Variants in TBC1D2 observed in about 807,000 individuals in gnomAD.
TBC1D2 encodes the protein TBC1 domain family member 2.
TBC1D2 carries 58 observed loss-of-function variants against 91.1 expected under a neutral mutation model. That is an observed-to-expected ratio of 0.64 (90% CI 0.52 to 0.79). The LOEUF (loss-of-function observed/expected upper bound fraction) is 0.79, where lower values mean the gene tolerates loss of function less well. TBC1D2 is among the 30% of genes least tolerant of loss of function. TBC1D2 has a pLI of 0.00. For synonymous variants in TBC1D2, 482 were observed against 511.5 expected, an observed-to-expected ratio of 0.94 and a Z score of 0.78; for missense variants, 1,080 against 1,208.3, an observed-to-expected ratio of 0.89 and a Z score of 1.57.
chr9:98,201,126 A>C lies in TBC1D2; in HGVS notation c.2457+353T>G, dbSNP rs538319146. Among the ~76,000 whole-genome samples the C allele has an allele frequency of 5.3e-4, 81 of 152,214 alleles. 1 individual carries two copies. Among genetic ancestry groups the C allele is most frequent in the African/African-American group, 1.9e-3 (78 of 41,536 alleles). On this transcript the variant is annotated intron_variant, in intron 11 of 12. Transcript: ENST00000465784. ...CTGCCCAAGGTCTCTGGGCAAGGTC[A>C]GTACAGAGCTGGGTCCAGACCTGAG... is the stretch of plus-strand genomic sequence containing the variant.
intron 3 of TBC1D2, among the ~76,000 whole-genome samples, chr9:98,236,771 A>C (rs374751332): frequency 2.6e-5 from 4 of 152,208 alleles, no homozygotes; most frequent in Admixed American, 6.5e-5. Context: ...GAGTGAGCGG[A>C]GGCACCAGAT....
rs539176949 is a variant in TBC1D2 at position 98,234,778 on chromosome 9, C to T, written c.648-1229G>A. The T allele has an allele frequency of 6.7e-4, 108 of 160,184 alleles. 1 individual carries two copies. Among genetic ancestry groups the T allele is most frequent in the African/African-American group, 1.7e-3 (72 of 41,620 alleles). 9.9% of individuals were successfully genotyped at this position (160,184 alleles called of 1,614,324 possible). ...TTTTGGAAGCAGGAGCTAGAACTGA[C>T]GCTTGTGGGGCTACAGGACTTAGGC... is the stretch of plus-strand genomic sequence containing the variant. On this transcript the variant is annotated intron_variant, in intron 3 of 12. Transcript: ENST00000465784.
intron 6 of TBC1D2, 129 bp from the exon 7 acceptor site, chr9:98,213,347 G>A: frequency 6.7e-7 from 1 of 1,492,490 alleles, no homozygotes; most frequent in East Asian, 2.5e-5. Context: ...AACAGAAGAG[G>A]AAGTCTGAAA....
At chr9:98,230,658 C>T (rs1373834282) in intron 4 of TBC1D2, among the ~76,000 whole-genome samples, 9 of 152,068 alleles carry the variant, frequency 5.9e-5, no homozygotes, top group Non-Finnish European at 1.0e-4. Flanking sequence ...CTCGGCCGGG[C>T]GTGGTGGCTC....
At chr9:98,217,568 A>G (rs1187059130) in intron 6 of TBC1D2, among the ~76,000 whole-genome samples, 2 of 152,248 alleles carry the variant, frequency 1.3e-5, no homozygotes, top group Non-Finnish European at 2.9e-5. Flanking sequence ...AACAAGGGGC[A>G]TTCCCTAAAG....
rs367717165 is a variant in TBC1D2 at position 98,210,976 on chromosome 9, G to A, written c.1486-133C>T. On this transcript the variant is annotated intron_variant, in intron 7 of 12. Transcript: ENST00000465784. ...CCCCACTCCCAACTCCCAGACCTTC[G>A]TATAAGGGAAAGGAGATGGGCCCTG... The A allele has an allele frequency of 1.2e-4, 105 of 844,232 alleles. 1 individual carries two copies. In the Middle Eastern group the frequency reaches 4.0e-3, roughly 32 times the overall value. The allele number at this position is 844,232 out of a possible 1,614,324, so 52.3% of individuals were successfully genotyped here.
intron 3 of TBC1D2, among the ~76,000 whole-genome samples, chr9:98,237,612 T>A (rs901912190): frequency 6.6e-6 from 1 of 151,532 alleles, no homozygotes; most frequent in Non-Finnish European, 1.5e-5. Context: ...ATTCAAGCGA[T>A]TCTCCTGCCT....
chr9:98,207,754 G>C (rs1170329148), intron 9 of TBC1D2, among the ~76,000 whole-genome samples: 1 of 152,244 alleles, frequency 6.6e-6, no homozygotes, highest in African/African-American at 2.4e-5. Flanking sequence ...GCAGAATGAA[G>C]AGAGGCCAGA....
chr9:98,215,329 G>A (rs1044541700), intron 6 of TBC1D2, among the ~76,000 whole-genome samples: 1 of 152,076 alleles, frequency 6.6e-6, no homozygotes, highest in Admixed American at 6.6e-5. Flanking sequence ...GCAGGCTTCC[G>A]GCATCACCCC....
intron 5 of TBC1D2, among the ~76,000 whole-genome samples, chr9:98,224,816 C>T (rs887536992): frequency 6.6e-6 from 1 of 152,018 alleles, no homozygotes; most frequent in African/African-American, 2.4e-5. Context: ...ATTCTGGATC[C>T]GTGGGGGGTG....
chr9:98,249,491 T>C (rs984045461), intron 2 of TBC1D2, among the ~76,000 whole-genome samples: 3 of 152,226 alleles, frequency 2.0e-5, no homozygotes, highest in Non-Finnish European at 4.4e-5. Context: ...AATTCTATTA[T>C]TGCAGAGGTT....
chr9:98,211,411 C>T (rs1050156577), intron 7 of TBC1D2, among the ~76,000 whole-genome samples: 6 of 152,162 alleles, frequency 3.9e-5, no homozygotes, highest in African/African-American at 1.4e-4. Context: ...TCCCACTTCA[C>T]AGCCCTCCTG....
At chr9:98,236,433 G>T (rs531528044) in intron 3 of TBC1D2, among the ~76,000 whole-genome samples, 37 of 152,226 alleles carry the variant, frequency 2.4e-4, no homozygotes, top group African/African-American at 7.5e-4. Context: ...GTTTTGGTCA[G>T]GCTGGTCTCA....
chr9:98,251,366 T>G (rs141993336), intron 2 of TBC1D2, among the ~76,000 whole-genome samples: 1 of 152,242 alleles, frequency 6.6e-6, no homozygotes, highest in East Asian at 1.9e-4. Flanking sequence ...TTAACCCTCC[T>G]CACAGCAATT....
intron 6 of TBC1D2, among the ~76,000 whole-genome samples, chr9:98,216,976 G>A (rs1043486373): frequency 6.6e-6 from 1 of 152,194 alleles, no homozygotes. Flanking sequence ...GCACTGGATT[G>A]TGAGCCACCA....
chr9:98,213,112 G>A lies in TBC1D2; in HGVS notation c.1481C>T (p.Thr494Met), dbSNP rs755513552. Residue 494 changes from threonine (T) to methionine (M), a missense_variant, in exon 7 of 13, where the codon ACG (threonine) becomes ATG (methionine). Thr to Met is a moderately conservative substitution (Grantham distance 81). Coordinates refer to ENST00000465784, the MANE Select transcript of TBC1D2 (RefSeq NM_001267571.2). ...GAATAGGGCCCCACCCCGCACCTTC[G>A]TCAGAAGGGCCTTCTCCTTCTCAGC... Reference protein sequence around the residue: ...KVAEKEKALLTKCAYLQARNC... With the variant: ...KVAEKEKALLMKCAYLQARNC... The A allele has an allele frequency of 1.8e-5, 29 of 1,614,106 alleles. No homozygotes were observed. The highest frequency in any genetic ancestry group is 2.2e-5 in the South Asian group (2 of 91,078).
intron 9 of TBC1D2, 129 bp downstream of exon 9, chr9:98,208,539 C>T (rs1828716431): frequency 1.1e-6 from 1 of 877,314 alleles, no homozygotes; most frequent in Non-Finnish European, 1.7e-6. Flanking sequence ...TGCTCTCTCG[C>T]CCACTGCTCA....
intron 9 of TBC1D2, 144 bp downstream of exon 9, chr9:98,208,524 G>A (rs919326320): frequency 4.1e-6 from 3 of 730,376 alleles, no homozygotes; most frequent in Middle Eastern, 7.9e-4. Flanking sequence ...GAGCTCAGGT[G>A]GTAATGCTCT....
At chr9:98,231,304 T>TTTA (rs1439365315) in intron 4 of TBC1D2, among the ~76,000 whole-genome samples, 3 of 136,670 alleles carry the variant, frequency 2.2e-5, no homozygotes, top group Non-Finnish European at 4.8e-5. Context: ...TTTTTTTTTT[T>TTTA]AATTTGTAGC....
Sources: gnomAD v4.1 joint callset for allele counts (sites outside exome capture counted in the v4.1 genomes callset) on GRCh38, gnomAD v4.1.1 for gene constraint, MANE v1.5 for transcripts, NCBI Gene and HGNC (gene_info 2026-07-23, HGNC 2026-07-21) for gene names.